The following ANKRD50 variants were observed in gnomAD, a reference collection of about 807,000 sequenced individuals.
ANKRD50 encodes ankyrin repeat domain-containing protein 50.
In ANKRD50, 40 loss-of-function variants were observed where a neutral mutation model predicts 112.0. The observed-to-expected ratio is 0.36, with a 90% CI of 0.28 to 0.46. The LOEUF (loss-of-function observed/expected upper bound fraction) is 0.46, where lower values mean the gene tolerates loss of function less well. ANKRD50 is among the 20% of genes least tolerant of loss of function. ANKRD50 has a pLI of 1.00. For missense variants in ANKRD50, 1,487 were observed against 1,701.7 expected (o/e 0.87, Z 2.22); for synonymous variants, 613 against 619.1 (o/e 0.99, Z 0.15).
At position 124,666,300 on chromosome 4, in the gene ANKRD50, T is replaced by C. The variant is rs536706243; in HGVS notation, c.*1218A>G. ...AACCCTGGCATCCAGCCCTCCTGCATGCAATTGTACAAAGAAGAAAACAGG... is the reference window on the plus strand; with the variant it reads ...AACCCTGGCATCCAGCCCTCCTGCACGCAATTGTACAAAGAAGAAAACAGG... On this transcript the variant is annotated 3_prime_UTR_variant, in exon 5 of 5. Coordinates refer to ENST00000504087, the MANE Select transcript of ANKRD50 (RefSeq NM_020337.3). 10 of 152,516 alleles carry C rather than the reference T, an allele frequency of 6.6e-5. No homozygotes were observed. Among genetic ancestry groups the C allele is most frequent in the African/African-American group, 2.2e-4 (9 of 41,524 alleles). The allele number at this position is 152,516 out of a possible 1,614,324, so 9.4% of individuals were successfully genotyped here.
chr4:124,698,062 G>T (rs1254409399), intron 2 of ANKRD50, among the ~76,000 whole-genome samples: 2 of 152,154 alleles, frequency 1.3e-5, no homozygotes, highest in Non-Finnish European at 2.9e-5. Flanking sequence ...TTGAGTAGTA[G>T]TTGAAGAATG....
intron 2 of ANKRD50, among the ~76,000 whole-genome samples, chr4:124,680,042 C>T (rs1724844625): frequency 6.6e-6 from 1 of 152,204 alleles, no homozygotes; most frequent in Admixed American, 6.5e-5. Flanking sequence ...CGTCTCTCTT[C>T]ATGTAGTTTA....
Position 124,710,623 on chromosome 4 carries a change from T to C in ANKRD50, c.-112A>G. ...TGACTCTGAAGACAGAGTAACTAGT[T>C]ACAGTAAAATTCAACAGCCACAGAG... is the stretch of plus-strand genomic sequence containing the variant. On this transcript the variant is annotated 5_prime_UTR_variant, in exon 2 of 5. Transcript: ENST00000504087. The C allele has an allele frequency of 6.2e-6, 8 of 1,288,716 alleles. No homozygotes were observed. The highest frequency in any genetic ancestry group is 8.5e-6 in the Non-Finnish European group (8 of 940,326). 79.8% of individuals were successfully genotyped at this position (1,288,716 alleles called of 1,614,324 possible).
At chr4:124,674,661 C>T (rs1356747516) in intron 3 of ANKRD50, among the ~76,000 whole-genome samples, 1 of 151,778 alleles carries the variant, frequency 6.6e-6, no homozygotes, top group East Asian at 1.9e-4. Context: ...TGAAAGAAAA[C>T]TCAAGTGTTT....
chr4:124,671,327 T>G lies in ANKRD50; in HGVS notation c.1950A>C (p.Ala650=), dbSNP rs776546420. The part of the protein sequence containing the change: ...ADADSRTALR[A]AAWGGHEDIV... Reference sequence around the variant, plus strand: ...TATCCTCGTGTCCTCCCCATGCTGCTGCTCTCAAAGCTGTTCGGCTATCAG... The same window carrying G: ...TATCCTCGTGTCCTCCCCATGCTGCGGCTCTCAAAGCTGTTCGGCTATCAG... The change falls in exon 4 of 5, where the codon GCA becomes GCC. Residue 650 remains alanine, a synonymous_variant. Coordinates refer to ENST00000504087, the MANE Select transcript of ANKRD50 (RefSeq NM_020337.3). 1.2e-6 allele frequency: 2 copies of G among 1,613,878 alleles called. No homozygotes were observed. Among genetic ancestry groups the G allele is most frequent in the Non-Finnish European group, 1.7e-6 (2 of 1,179,864 alleles).
chr4:124,671,018 C>T lies in ANKRD50; in HGVS notation c.2259G>A (p.Leu753=). ...CAACATGTCCTTCATAGGCAGCTAC[C>T]AGCAGTGGAGTCATGCCATCTTTAT... ...HCDKDGMTPL[L]VAAYEGHVDV... is the part of the protein sequence containing the mutation. The change falls in exon 4 of 5, where the codon CTG becomes CTA. Residue 753 remains leucine (L), a synonymous_variant. Coordinates refer to ENST00000504087, the MANE Select transcript of ANKRD50 (RefSeq NM_020337.3). 1 of 1,613,832 alleles carries T rather than the reference C, an allele frequency of 6.2e-7. No homozygotes were observed. The highest frequency in any genetic ancestry group is 8.5e-7 in the Non-Finnish European group (1 of 1,179,862).
intron 2 of ANKRD50, among the ~76,000 whole-genome samples, chr4:124,685,067 T>G (rs1724976199): frequency 6.6e-6 from 1 of 152,220 alleles, no homozygotes; most frequent in Non-Finnish European, 1.5e-5. Context: ...GTTCCTGCAA[T>G]TGTTTTTTTG....
In ANKRD50 at chr4:124,671,629, C is replaced by T; in HGVS notation, c.1648G>A (p.Ala550Thr). The change falls in exon 4 of 5, where the codon GCT (alanine) becomes ACT (threonine). Residue 550 changes from alanine to threonine, a missense_variant. Transcript: ENST00000504087. ...QCDSNGRTLLANAAYSGSLDV... is the reference protein window; with the variant it reads ...QCDSNGRTLLTNAAYSGSLDV... ...AGACTGCCACTATATGCAGCATTAGCCAATAATGTTCTCCCATTTGAATCA... is the reference window on the plus strand; with the variant it reads ...AGACTGCCACTATATGCAGCATTAGTCAATAATGTTCTCCCATTTGAATCA... The T allele has an allele frequency of 6.2e-7, 1 of 1,613,858 alleles. No individual in the cohort carries two copies. Among genetic ancestry groups the T allele is most frequent in the South Asian group, 1.1e-5 (1 of 91,088 alleles).
chr4:124,670,090 C>A lies in ANKRD50; in HGVS notation c.3187G>T (p.Val1063Phe). ...AQEGHIDVVQ[V>F]LLEHGADPNH... ...GGATCAGCACCATGCTCTAATAAGA[C>A]CTGAACAACATCAATGTGCCCTTCC... Residue 1063 changes from valine to phenylalanine, a missense_variant, in exon 4 of 5, where the codon GTC becomes TTC. Physicochemically the swap from Val to Phe is conservative, Grantham distance 50. Around this residue, in one of 2 missense-constraint regions of ANKRD50, gnomAD observed 441 missense variants for 432.2 expected, o/e 1.02. Coordinates refer to ENST00000504087, the MANE Select transcript of ANKRD50 (RefSeq NM_020337.3). 6.2e-7 allele frequency: 1 copy of A among 1,613,440 alleles called. No homozygotes were observed. The highest frequency in any genetic ancestry group is 8.5e-7 in the Non-Finnish European group (1 of 1,179,778).
chr4:124,670,613 T>A lies in ANKRD50; in HGVS notation c.2664A>T (p.Ser888=). ...GAACACAATCATAATGACCCTCTTG[T>A]GAAGCTAATATGAAAGGGATTCGTC... is the stretch of plus-strand genomic sequence containing the variant. The part of the protein sequence containing the change: ...NDGRIPFILA[S]QEGHYDCVQI... Residue 888 remains serine (S), a synonymous_variant, in exon 4 of 5, where the codon TCA becomes TCT. Coordinates refer to ENST00000504087, the MANE Select transcript of ANKRD50 (RefSeq NM_020337.3). 2 of 1,613,572 alleles carry A rather than the reference T, an allele frequency of 1.2e-6. No individual in the cohort carries two copies. The highest frequency in any genetic ancestry group is 4.5e-5 in the East Asian group (2 of 44,860).
At chr4:124,688,932 C>A (rs890571459) in intron 2 of ANKRD50, among the ~76,000 whole-genome samples, 2 of 152,142 alleles carry the variant, frequency 1.3e-5, no homozygotes, top group Non-Finnish European at 2.9e-5. Flanking sequence ...CTCCTCACTT[C>A]AAGGTTTTTA....
At chr4:124,679,123 GGTGGGTGT>G (rs1044080037) in intron 2 of ANKRD50, among the ~76,000 whole-genome samples, 1 of 152,152 alleles carries the variant, frequency 6.6e-6, no homozygotes, top group African/African-American at 2.4e-5. Flanking sequence ...ATCAAGAGTA[GGTGGGTGT>G]GTGGGTGTGT....
At chr4:124,673,858 A>G (rs1456346461) in intron 3 of ANKRD50, among the ~76,000 whole-genome samples, 1 of 152,116 alleles carries the variant, frequency 6.6e-6, no homozygotes, top group Non-Finnish European at 1.5e-5. Flanking sequence ...ATAGATTTAT[A>G]TAGCCCTAAA....
intron 2 of ANKRD50, among the ~76,000 whole-genome samples, chr4:124,701,366 A>C (rs202064132): frequency 6.6e-6 from 1 of 152,174 alleles, no homozygotes; most frequent in East Asian, 1.9e-4. Flanking sequence ...GAGACAAATG[A>C]AAGAACCATA....
chr4:124,679,859 C>A (rs1430530296), intron 2 of ANKRD50, among the ~76,000 whole-genome samples: 1 of 152,176 alleles, frequency 6.6e-6, no homozygotes, highest in African/African-American at 2.4e-5. Context: ...TTTACCTGGG[C>A]TACCCTAACA....
chr4:124,682,542 T>C (rs1214701827), intron 2 of ANKRD50, among the ~76,000 whole-genome samples: 1 of 152,080 alleles, frequency 6.6e-6, no homozygotes, highest in African/African-American at 2.4e-5. Flanking sequence ...TAGTTTTGCT[T>C]CCTATATTTT....
At chr4:124,689,110 C>T (rs1263271767) in intron 2 of ANKRD50, among the ~76,000 whole-genome samples, 1 of 152,182 alleles carries the variant, frequency 6.6e-6, no homozygotes, top group Non-Finnish European at 1.5e-5. Context: ...AAGGAATTGG[C>T]AGTTTAGCAT....
At position 124,669,602 on chromosome 4, in the gene ANKRD50, G is replaced by C. The variant is rs752674990; in HGVS notation, c.3675C>G (p.Arg1225=). The part of the protein sequence containing the change: ...TEQIQQHSLP[R]SRSRQSIVSP... ...AAACAATTGACTGTCGACTTCTACTGCGTGGCAATGAATGCTGCTGAATTT... is the reference window on the plus strand; with the variant it reads ...AAACAATTGACTGTCGACTTCTACTCCGTGGCAATGAATGCTGCTGAATTT... The change falls in exon 4 of 5, where the codon CGC becomes CGG. Residue 1225 remains arginine, a synonymous_variant. Transcript: ENST00000504087. 7 of 1,613,530 alleles carry C rather than the reference G, an allele frequency of 4.3e-6. No homozygotes were observed. The highest frequency in any genetic ancestry group is 5.9e-6 in the Non-Finnish European group (7 of 1,179,842).
Position 124,672,159 on chromosome 4 carries a change from A to G in ANKRD50, c.1118T>C (p.Val373Ala), listed in dbSNP as rs752889990. Residue 373 changes from valine to alanine, a missense_variant, in exon 4 of 5, where the codon GTA (valine) becomes GCA (alanine). Val to Ala is a moderately conservative substitution (Grantham distance 64). Around this residue, in one of 2 missense-constraint regions of ANKRD50, gnomAD observed 1,046 missense variants for 1,269.5 expected, o/e 0.82. Transcript: ENST00000504087. ...PLTITELYHA[V>A]WTKNMSLTLE... ...AGTTAACGACATGTTTTTGGTCCAT[A>G]CTGCGTGATATAATTCCGTTATGGT... 1.2e-6 allele frequency: 2 copies of G among 1,613,902 alleles called. No individual in the cohort carries two copies. Among genetic ancestry groups the G allele is most frequent in the South Asian group, 2.2e-5 (2 of 91,078 alleles).
Sources: gnomAD v4.1 joint callset for allele counts (sites outside exome capture counted in the v4.1 genomes callset) on GRCh38, gnomAD v4.1.1 for gene constraint, gnomAD v4.1.1 regional missense constraint, MANE v1.5 for transcripts, NCBI Gene and HGNC (gene_info 2026-07-23, HGNC 2026-07-21) for gene names.